NEO1: variants seen among roughly 807,000 people sequenced by gnomAD.
NEO1 encodes the protein neogenin.
In NEO1, 63 loss-of-function variants were observed where a neutral mutation model predicts 159.7. That is an observed-to-expected ratio of 0.39 (90% CI 0.32 to 0.49). NEO1 has a LOEUF of 0.49. Among genes scored for constraint, NEO1 ranks in the 20% least tolerant of loss-of-function variants. The pLI, the probability that NEO1 is intolerant of heterozygous loss-of-function variation, is 0.85. For missense variants in NEO1, 1,615 were observed against 1,831.0 expected (o/e 0.88, Z 2.15); for synonymous variants, 633 against 662.0 (o/e 0.96, Z 0.67).
At chr15:73,190,408 C>T (rs1456132806) in intron 7 of NEO1, among the ~76,000 whole-genome samples, 1 of 152,162 alleles carries the variant, frequency 6.6e-6, no homozygotes, top group Admixed American at 6.5e-5. Flanking sequence ...GTAAAGGAAA[C>T]TTACACTTTA....
intron 1 of NEO1, among the ~76,000 whole-genome samples, chr15:73,091,819 G>T (rs1298790536): frequency 6.6e-6 from 1 of 150,764 alleles, no homozygotes; most frequent in Non-Finnish European, 1.5e-5. Flanking sequence ...CCCAGTAGAG[G>T]TCTCGCTATG....
At chr15:73,226,123 G>A (rs2038577685) in intron 7 of NEO1, among the ~76,000 whole-genome samples, 1 of 152,164 alleles carries the variant, frequency 6.6e-6, no homozygotes, top group African/African-American at 2.4e-5. Flanking sequence ...CACAGTTGGG[G>A]CACTTGGGGC....
intron 1 of NEO1, among the ~76,000 whole-genome samples, chr15:73,064,595 G>A (rs553018318): frequency 5.3e-5 from 8 of 152,240 alleles, no homozygotes; most frequent in African/African-American, 1.4e-4. Context: ...CTCCCAAGTA[G>A]CTGGGACTAC....
At chr15:73,222,444 T>A (rs2038347942) in intron 7 of NEO1, among the ~76,000 whole-genome samples, 1 of 152,042 alleles carries the variant, frequency 6.6e-6, no homozygotes, top group Non-Finnish European at 1.5e-5. Context: ...TGCTTGTTAT[T>A]GATCTATTTA....
intron 7 of NEO1, among the ~76,000 whole-genome samples, chr15:73,200,455 G>C (rs2036806694): frequency 6.6e-6 from 1 of 151,124 alleles, no homozygotes; most frequent in Non-Finnish European, 1.5e-5. Context: ...AGGGAGAGGG[G>C]GAGGGGGAGA....
intron 5 of NEO1, among the ~76,000 whole-genome samples, chr15:73,160,191 AC>A: frequency 6.6e-6 from 1 of 152,168 alleles, no homozygotes; most frequent in East Asian, 1.9e-4. Flanking sequence ...ATATACAAAA[AC>A]CCCAAAACAC....
intron 26 of NEO1, among the ~76,000 whole-genome samples, chr15:73,293,778 C>G (rs1204843516): frequency 6.6e-6 from 1 of 152,216 alleles, no homozygotes; most frequent in Admixed American, 6.5e-5. Context: ...AAAACAGTAT[C>G]TCTAATCACA....
chr15:73,130,310 C>G (rs184477748), intron 4 of NEO1, among the ~76,000 whole-genome samples: 1 of 148,528 alleles, frequency 6.7e-6, no homozygotes, highest in East Asian at 2.0e-4. Context: ...AGTTTCCCGC[C>G]CCCCCCGCCG....
intron 8 of NEO1, among the ~76,000 whole-genome samples, chr15:73,240,714 G>A (rs35878158): frequency 0.02 from 3,049 of 152,270 alleles, 52 homozygotes; most frequent in South Asian, 0.043. Flanking sequence ...CGTGCTAGTC[G>A]TCGGCTTGGA....
intron 1 of NEO1, among the ~76,000 whole-genome samples, chr15:73,087,737 T>C (rs1198014484): frequency 6.6e-6 from 1 of 152,172 alleles, no homozygotes; most frequent in Non-Finnish European, 1.5e-5. Context: ...TTATTAATAT[T>C]TTGGAATTCT....
chr15:73,296,485 T>C (rs1296674424), intron 26 of NEO1, among the ~76,000 whole-genome samples: 1 of 151,950 alleles, frequency 6.6e-6, no homozygotes, highest in Non-Finnish European at 1.5e-5. Flanking sequence ...GGTGTACGAG[T>C]CCCTCATCCA....
chr15:73,248,730 T>A (rs2039926506), intron 9 of NEO1, among the ~76,000 whole-genome samples: 1 of 152,208 alleles, frequency 6.6e-6, no homozygotes. Flanking sequence ...ATTCTATTCA[T>A]CACTGTATCC....
At position 73,088,051 on chromosome 15, in the gene NEO1, T is replaced by C. The variant is rs562514805; in HGVS notation, c.131-28489T>C. 2.6e-5 allele frequency among the ~76,000 whole-genome samples: 4 copies of C among 152,198 alleles called. No individual in the cohort carries two copies. In the South Asian group the frequency reaches 8.3e-4, roughly 32 times the overall value. ...TCACACACATTGCTAAATTGCTTTC[T>C]AGAAAGTATATATACGTTTTTACTC... is the stretch of plus-strand genomic sequence containing the variant. On this transcript the variant is annotated intron_variant, in intron 1 of 28. Transcript: ENST00000261908.
intron 1 of NEO1, among the ~76,000 whole-genome samples, chr15:73,064,899 C>T (rs1169965624): frequency 1.3e-5 from 2 of 152,056 alleles, no homozygotes; most frequent in Non-Finnish European, 2.9e-5. Context: ...TTAAACCTCC[C>T]ATTTTATTAT....
chr15:73,224,772 CTTAA>C (rs1376503721), intron 7 of NEO1, among the ~76,000 whole-genome samples: 5 of 152,232 alleles, frequency 3.3e-5, no homozygotes, highest in Middle Eastern at 3.4e-3. Context: ...CCCTGATTAA[CTTAA>C]TTAACCTCCT....
At chr15:73,110,224 G>A (rs1030665666) in intron 1 of NEO1, among the ~76,000 whole-genome samples, 1 of 152,014 alleles carries the variant, frequency 6.6e-6, no homozygotes, top group African/African-American at 2.4e-5. Flanking sequence ...TTAACAAGTA[G>A]TAAAAAAAGA....
chr15:73,163,416 A>G (rs796148017), intron 5 of NEO1, among the ~76,000 whole-genome samples: 6 of 152,156 alleles, frequency 3.9e-5, no homozygotes, highest in African/African-American at 1.4e-4. Context: ...GACTGTTATT[A>G]GTTTAGTGTG....
chr15:73,210,579 C>A (rs1312200351), intron 7 of NEO1, among the ~76,000 whole-genome samples: 1 of 152,186 alleles, frequency 6.6e-6, no homozygotes, highest in Non-Finnish European at 1.5e-5. Flanking sequence ...TTGGGTGGAA[C>A]TTCTACAAAT....
At chr15:73,292,899 A>G (rs2042211660) in intron 25 of NEO1, among the ~76,000 whole-genome samples, 1 of 152,246 alleles carries the variant, frequency 6.6e-6, no homozygotes, top group African/African-American at 2.4e-5. Flanking sequence ...CAGTTTTAAC[A>G]AAGGCAGAAT....
Sources: allele counts gnomAD v4.1 joint callset (sites outside exome capture counted in the v4.1 genomes callset), GRCh38; gene constraint gnomAD v4.1.1; transcripts MANE v1.5; gene names NCBI Gene and HGNC (gene_info 2026-07-23, HGNC 2026-07-21).